The following PARD6G variants were observed in gnomAD, a reference collection of about 807,000 sequenced individuals.
PARD6G encodes partitioning defective 6 homolog gamma.
A neutral mutation model predicts 10.7 loss-of-function variants in PARD6G; 7 were observed. The ratio of observed to expected loss-of-function variants is 0.66; its 90% CI spans 0.37 to 1.23. The LOEUF (loss-of-function observed/expected upper bound fraction) is 1.23, where lower values mean the gene tolerates loss of function less well. Among genes scored for constraint, PARD6G ranks in the 50% most tolerant of loss-of-function variants. The probability of loss-of-function intolerance (pLI) is 0.02; values close to 1 mark genes in which losing one functional copy is unlikely to be tolerated. For missense variants in PARD6G, 548 were observed against 571.8 expected (o/e 0.96, Z 0.42); for synonymous variants, 287 against 269.4 (o/e 1.07, Z -0.64).
rs1299516930 is a variant in PARD6G at position 80,189,441 on chromosome 18, T to C, written c.295+13269A>G. 1 of 152,184 alleles carries C rather than the reference T, an allele frequency of 6.6e-6. No homozygotes were observed. Among genetic ancestry groups the C allele is most frequent in the East Asian group, 1.9e-4 (1 of 5,192 alleles). 9.4% of individuals were successfully genotyped at this position (152,184 alleles called of 1,614,324 possible). On this transcript the variant is annotated intron_variant, in intron 2 of 2. Transcript: ENST00000353265. This position sits in a 1 kb window ranked among gnomAD's most constrained non-coding sequence, Gnocchi z 5.5. The stretch of plus-strand genomic sequence containing the variant: ...GCTGAGTCCAACACAAACACAACAG[T>C]AAGCCTTTCTAGCAGAGGATGCTAG...
At chr18:80,172,379 CTTTTTTTTT>C (rs796958659) in intron 2 of PARD6G, among the ~76,000 whole-genome samples, 1 of 134,940 alleles carries the variant, frequency 7.4e-6, no homozygotes, top group African/African-American at 2.7e-5. Flanking sequence ...GGTTGTATGT[CTTTTTTTTT>C]TTTTTTTTGA....
Position 80,223,727 on chromosome 18 carries a change from T to C in PARD6G, c.73-20795A>G, listed in dbSNP as rs1425449991. On this transcript the variant is annotated intron_variant, in intron 1 of 2. Coordinates refer to ENST00000353265, the MANE Select transcript of PARD6G (RefSeq NM_032510.4). ...TAACTAGAAGCCATGTTCAGAAACA[T>C]GACAACCCCGAGGACGGCACCAGCA... Among the ~76,000 whole-genome samples the C allele has an allele frequency of 4.6e-5, 7 of 152,334 alleles. No homozygotes were observed. The South Asian group carries it at 1.0e-3, about 23-fold the overall frequency.
chr18:80,208,369 C>T (rs1231331512), intron 1 of PARD6G, among the ~76,000 whole-genome samples: 1 of 152,192 alleles, frequency 6.6e-6, no homozygotes, highest in Non-Finnish European at 1.5e-5. Context: ...TCAGGGATCA[C>T]TATGAAAATG....
chr18:80,241,499 G>C (rs1967489385), intron 1 of PARD6G, among the ~76,000 whole-genome samples: 1 of 146,630 alleles, frequency 6.8e-6, no homozygotes, highest in Admixed American at 6.6e-5. Flanking sequence ...ACAGTATTGT[G>C]ATGGGCATTA....
chr18:80,167,386 G>A lies in PARD6G; in HGVS notation c.296-6780C>T, dbSNP rs1042745976. On this transcript the variant is annotated intron_variant, in intron 2 of 2. Coordinates refer to ENST00000353265, the MANE Select transcript of PARD6G (RefSeq NM_032510.4). ...AACACATGGGCAGTGCTGAGGACAG[G>A]GCACGGCTCTTCATGCAGCAGCTCA... Among the ~76,000 whole-genome samples the A allele has an allele frequency of 1.8e-4, 27 of 152,172 alleles. 1 individual carries two copies.
chr18:80,194,282 G>C (rs940623650), intron 2 of PARD6G, among the ~76,000 whole-genome samples: 1 of 152,168 alleles, frequency 6.6e-6, no homozygotes, highest in Admixed American at 6.5e-5. Flanking sequence ...AGTGTGAGGT[G>C]CGTGCCTGTC....
At position 80,227,461 on chromosome 18, in the gene PARD6G, G is replaced by T. The variant is rs369165471; in HGVS notation, c.72+19816C>A. 3.3e-5 allele frequency among the ~76,000 whole-genome samples: 5 copies of T among 152,226 alleles called. No individual in the cohort carries two copies. In the East Asian group the frequency reaches 9.6e-4, roughly 29 times the overall value. On this transcript the variant is annotated intron_variant, in intron 1 of 2. Transcript: ENST00000353265. The stretch of plus-strand genomic sequence containing the variant: ...ATCTGGAGCCAAATGTCAGCATGCA[G>T]GTGAAGATGTTTTCAAGCAACAAAA...
chr18:80,180,351 G>A lies in PARD6G; in HGVS notation c.296-19745C>T, dbSNP rs1179385113. Among the ~76,000 whole-genome samples the A allele has an allele frequency of 6.6e-6, 1 of 152,166 alleles. No homozygotes were observed. The highest frequency in any genetic ancestry group is 1.5e-5 in the Non-Finnish European group (1 of 67,998). On this transcript the variant is annotated intron_variant, in intron 2 of 2. Transcript: ENST00000353265. The surrounding 1 kb of genome is among the most constrained non-coding windows in gnomAD (Gnocchi z 5.6). ...AGCTGGGGCCGGCAGGTGAGGACAC[G>A]CAGCTGGGAGGGGCGCAGCCGGCAG...
intron 1 of PARD6G, among the ~76,000 whole-genome samples, chr18:80,227,481 A>C (rs1967304639): frequency 6.6e-6 from 1 of 152,240 alleles, no homozygotes; most frequent in South Asian, 2.1e-4. Flanking sequence ...TTTTCAAGCA[A>C]CAAAAACAGG....
In PARD6G at chr18:80,246,694, G is replaced by A. The variant is rs971385209; in HGVS notation, c.72+583C>T. ...GGGAGGCGTGGTCTGGGTCTGGGCC[G>A]GGGGAGAGCCGGGTGCGTGCTCTGG... On this transcript the variant is annotated intron_variant, in intron 1 of 2. Transcript: ENST00000353265. The surrounding 1 kb of genome is among the most constrained non-coding windows in gnomAD (Gnocchi z 6.7). 2.6e-5 allele frequency among the ~76,000 whole-genome samples: 4 copies of A among 152,066 alleles called. No homozygotes were observed. Among genetic ancestry groups the A allele is most frequent in the South Asian group, 2.1e-4 (1 of 4,824 alleles).
rs775054785 is a variant in PARD6G at position 80,181,139 on chromosome 18, G to A, written c.296-20533C>T. 6.6e-6 allele frequency among the ~76,000 whole-genome samples: 1 copy of A among 152,140 alleles called. No individual in the cohort carries two copies. Among genetic ancestry groups the A allele is most frequent in the African/African-American group, 2.4e-5 (1 of 41,426 alleles). ...CTGCGGGGGTGGGCCAGGAAGGGGC[G>A]CCACCCTGAAGGCTCAGTCTGTGTG... On this transcript the variant is annotated intron_variant, in intron 2 of 2. Coordinates refer to ENST00000353265, the MANE Select transcript of PARD6G (RefSeq NM_032510.4). The surrounding 1 kb of genome is among the most constrained non-coding windows in gnomAD (Gnocchi z 7.9).
chr18:80,185,119 G>A (rs1016547925), intron 2 of PARD6G, among the ~76,000 whole-genome samples: 1 of 152,076 alleles, frequency 6.6e-6, no homozygotes, highest in African/African-American at 2.4e-5. Flanking sequence ...GACTAAAATC[G>A]ACGTTGATGA....
In PARD6G at chr18:80,181,579, C is replaced by T. The variant is rs1048003617; in HGVS notation, c.296-20973G>A. Among the ~76,000 whole-genome samples the T allele has an allele frequency of 2.6e-5, 4 of 152,128 alleles. No homozygotes were observed. The highest frequency in any genetic ancestry group is 5.9e-5 in the Non-Finnish European group (4 of 68,024). On this transcript the variant is annotated intron_variant, in intron 2 of 2. Transcript: ENST00000353265. The surrounding 1 kb of genome is among the most constrained non-coding windows in gnomAD (Gnocchi z 7.9). ...AGGTGTGCCCTTCCCCTAAACTCAG[C>T]AGATCGGATCTACCTCCCCTCTCCC...
chr18:80,198,064 A>C (rs1966974382), intron 2 of PARD6G, among the ~76,000 whole-genome samples: 1 of 152,218 alleles, frequency 6.6e-6, no homozygotes, highest in African/African-American at 2.4e-5. Context: ...GCAAATAAAG[A>C]AGAAAGGCAG....
chr18:80,221,457 T>C (rs983121537), intron 1 of PARD6G, among the ~76,000 whole-genome samples: 2 of 152,192 alleles, frequency 1.3e-5, no homozygotes, highest in Non-Finnish European at 1.5e-5. Flanking sequence ...AAAAGCCATA[T>C]GATCATGTCA....
Position 80,160,069 on chromosome 18 carries a change from C to A in PARD6G, c.833G>T (p.Gly278Val), listed in dbSNP as rs1007114977. ...CTGCAGGACGCGCGGGGCGGGGGGACCCACGAAGCCCGCGGTGCCGTCCGA... is the reference window on the plus strand; with the variant it reads ...CTGCAGGACGCGCGGGGCGGGGGGAACCACGAAGCCCGCGGTGCCGTCCGA... The part of the protein sequence containing the change: ...PPSDGTAGFV[G>V]PPAPRVLQNF... The change falls in exon 3 of 3, where the codon GGT becomes GTT. Residue 278 changes from glycine to valine, a missense_variant. By Grantham distance (109) the Gly-to-Val change is moderately radical. Transcript: ENST00000353265. 38 of 1,569,210 alleles carry A rather than the reference C, an allele frequency of 2.4e-5. No individual in the cohort carries two copies. The highest frequency in any genetic ancestry group is 3.3e-5 in the Non-Finnish European group (38 of 1,160,798).
At chr18:80,193,450 T>C (rs887809848) in intron 2 of PARD6G, among the ~76,000 whole-genome samples, 1 of 152,222 alleles carries the variant, frequency 6.6e-6, no homozygotes, top group African/African-American at 2.4e-5. Context: ...ATTTATACTT[T>C]TAGGTACAGA....
chr18:80,206,914 A>C (rs1323910668), intron 1 of PARD6G, among the ~76,000 whole-genome samples: 8 of 151,752 alleles, frequency 5.3e-5, no homozygotes, highest in Non-Finnish European at 7.4e-5. Flanking sequence ...AAGATTCTTC[A>C]GATGTTTACT....
intron 1 of PARD6G, among the ~76,000 whole-genome samples, chr18:80,244,547 A>G (rs1384716012): frequency 2.6e-5 from 4 of 152,222 alleles, no homozygotes; most frequent in Non-Finnish European, 4.4e-5. Flanking sequence ...TAAAATGCCA[A>G]AGAATTCTGA....
Sources: allele counts gnomAD v4.1 joint callset (sites outside exome capture counted in the v4.1 genomes callset), GRCh38; gene constraint gnomAD v4.1.1; non-coding constraint Gnocchi (gnomAD v3.1); transcripts MANE v1.5; gene names NCBI Gene and HGNC (gene_info 2026-07-23, HGNC 2026-07-21).